Variants in ETV1 observed in about 807,000 individuals in gnomAD.
ETV1 encodes the protein ETS translocation variant 1.
Under a neutral mutation model 62.3 loss-of-function variants are expected in ETV1, and 27 were observed. The observed-to-expected ratio is 0.43, with a 90% CI of 0.32 to 0.60. The LOEUF is 0.60. ETV1 is among the 20% of genes least tolerant of loss of function. The probability of loss-of-function intolerance (pLI) is 0.06; values close to 1 mark genes in which losing one functional copy is unlikely to be tolerated. For synonymous variants in ETV1, 222 were observed against 199.6 expected (o/e 1.11, Z -0.94); for missense variants, 605 against 605.8 (o/e 1.00, Z 0.01).
chr7:13,921,144 G>C (rs893787471), intron 9 of ETV1, among the ~76,000 whole-genome samples: 2 of 152,188 alleles, frequency 1.3e-5, no homozygotes, highest in Non-Finnish European at 2.9e-5. Context: ...TAGTTTTAGA[G>C]TTAGGAGGGA....
intron 6 of ETV1, among the ~76,000 whole-genome samples, chr7:13,947,139 C>A (rs1325071142): frequency 6.6e-6 from 1 of 152,136 alleles, no homozygotes; most frequent in African/African-American, 2.4e-5. Context: ...AACATTGGGG[C>A]ATTATTTGTA....
chr7:13,907,473 A>AAATCTG (rs1290708164), intron 11 of ETV1, among the ~76,000 whole-genome samples: 4 of 152,148 alleles, frequency 2.6e-5, no homozygotes, highest in Non-Finnish European at 4.4e-5. Context: ...AATCTGTTAA[A>AAATCTG]TAGAGCACAG....
intron 6 of ETV1, among the ~76,000 whole-genome samples, chr7:13,944,097 G>T (rs1054813972): frequency 6.6e-6 from 1 of 152,142 alleles, no homozygotes; most frequent in Non-Finnish European, 1.5e-5. Context: ...CCATTAGCAT[G>T]GACCTAGAAG....
intron 6 of ETV1, among the ~76,000 whole-genome samples, chr7:13,963,029 G>T (rs1037086951): frequency 6.6e-6 from 1 of 152,040 alleles, no homozygotes; most frequent in African/African-American, 2.4e-5. Context: ...GTGAGTTTTG[G>T]TTCTGCCATT....
rs1781503035 is a variant in ETV1, at chr7:13,893,284, T to C, written c.*2582A>G. 1 of 232,160 alleles carries C rather than the reference T, an allele frequency of 4.3e-6. No homozygotes were observed. Among genetic ancestry groups the C allele is most frequent in the Non-Finnish European group, 8.5e-6 (1 of 117,496 alleles). 14.4% of individuals were successfully genotyped at this position (232,160 alleles called of 1,614,324 possible). A position where few individuals can be genotyped will look rare whatever the true frequency, so the allele number is the denominator to read the frequency against. ...ACACAAGAATCTTGCAGAAATCAGC[T>C]GCCAGATTTATTAATCTACCTGAAA... is the stretch of plus-strand genomic sequence containing the variant. On this transcript the variant is annotated 3_prime_UTR_variant, in exon 14 of 14. Coordinates refer to ENST00000430479, the MANE Select transcript of ETV1 (RefSeq NM_004956.5).
At chr7:13,975,060 T>C (rs1039972829) in intron 6 of ETV1, 5 of 152,224 alleles carry the variant, frequency 3.3e-5, no homozygotes, top group Non-Finnish European at 7.3e-5. Context: ...ACCAATACAG[T>C]AGCCAGTAGC....
intron 9 of ETV1, among the ~76,000 whole-genome samples, chr7:13,913,878 CT>C (rs544899107): frequency 0.045 from 3,989 of 87,964 alleles, 26 homozygotes; most frequent in Middle Eastern, 0.089. Flanking sequence ...GGGGGTACCT[CT>C]TTTTTTTTTT....
intron 5 of ETV1, chr7:13,986,015 G>A (rs3801110): frequency 0.52 from 499,730 of 966,220 alleles, 131,791 homozygotes; most frequent in African/African-American, 0.66. Flanking sequence ...GTCAATTTCA[G>A]CAAACATAAC....
At chr7:13,902,417 A>C (rs1460073170) in intron 12 of ETV1, among the ~76,000 whole-genome samples, 1 of 152,012 alleles carries the variant, frequency 6.6e-6, no homozygotes, top group Non-Finnish European at 1.5e-5. Flanking sequence ...GGACAACATC[A>C]TATATCCCAG....
intron 5 of ETV1, among the ~76,000 whole-genome samples, chr7:13,981,563 A>G (rs1344002957): frequency 6.6e-6 from 1 of 152,066 alleles, no homozygotes; most frequent in Non-Finnish European, 1.5e-5. Flanking sequence ...ACAAATACAT[A>G]CATGCATCCT....
chr7:13,988,063 T>C (rs1312734894), intron 4 of ETV1, 23 bp downstream of exon 4: 1 of 1,478,044 alleles, frequency 6.8e-7, no homozygotes, highest in Admixed American at 1.7e-5. Context: ...AAAATGGGGA[T>C]TCAGCCCAAA....
intron 3 of ETV1, chr7:13,988,427 A>G: frequency 1.7e-6 from 1 of 582,298 alleles, no homozygotes. Flanking sequence ...TTTATCAATC[A>G]TATATTCATG....
At chr7:13,914,521 T>G (rs934971603) in intron 9 of ETV1, among the ~76,000 whole-genome samples, 3 of 150,102 alleles carry the variant, frequency 2.0e-5, no homozygotes, top group African/African-American at 2.5e-5. Flanking sequence ...TTAAGAAGAA[T>G]AATAAACTAA....
intron 11 of ETV1, among the ~76,000 whole-genome samples, chr7:13,908,020 T>A (rs1783151862): frequency 6.6e-6 from 1 of 152,102 alleles, no homozygotes; most frequent in South Asian, 2.1e-4. Flanking sequence ...TTTATGGGAG[T>A]AACTGAGTAA....
At chr7:13,991,068 A>G (rs1351222319), upstream of ETV1, 1 of 152,210 alleles carries the variant, frequency 6.6e-6, no homozygotes, top group Non-Finnish European at 1.5e-5. Context: ...GACAGCAAAG[A>G]CAGACCCCGC....
In ETV1 at chr7:13,938,288, G is replaced by A. The variant is rs191073556; in HGVS notation, c.365+829C>T. ...CATATCTTGGACATAAACAGCGTATGCAATAAATATCTGAGGAATTATTTA... is the reference window on the plus strand; with the variant it reads ...CATATCTTGGACATAAACAGCGTATACAATAAATATCTGAGGAATTATTTA... On this transcript the variant is annotated intron_variant, in intron 7 of 13. Transcript: ENST00000430479. Among the ~76,000 whole-genome samples, 385 of 152,228 alleles carry A rather than the reference G, an allele frequency of 2.5e-3. 4 individuals are homozygous for A. Among genetic ancestry groups the A allele is most frequent in the African/African-American group, 8.8e-3 (365 of 41,548 alleles).
chr7:13,919,798 A>G (rs1274625959), intron 9 of ETV1, among the ~76,000 whole-genome samples: 2 of 152,072 alleles, frequency 1.3e-5, no homozygotes, highest in Admixed American at 1.3e-4. Flanking sequence ...AAAAACAGAT[A>G]CTTAGTTATG....
intron 6 of ETV1, among the ~76,000 whole-genome samples, chr7:13,959,240 A>G (rs1184805650): frequency 6.6e-6 from 1 of 152,174 alleles, no homozygotes; most frequent in Non-Finnish European, 1.5e-5. Context: ...AAATGGAAGT[A>G]CTAAGAGATT....
intron 11 of ETV1, 122 bp from the exon 12 acceptor site, chr7:13,906,721 A>C (rs1783006221): frequency 1.6e-6 from 1 of 644,766 alleles, no homozygotes; most frequent in South Asian, 2.7e-5. Context: ...GGCATTTATG[A>C]AATATATTAT....
Sources: gnomAD v4.1 joint callset for allele counts (sites outside exome capture counted in the v4.1 genomes callset) on GRCh38, gnomAD v4.1.1 for gene constraint, MANE v1.5 for transcripts, NCBI Gene and HGNC (gene_info 2026-07-23, HGNC 2026-07-21) for gene names.